SSBP2: variants seen among roughly 807,000 people sequenced by gnomAD.
SSBP2 encodes single stranded DNA binding protein 2.
In SSBP2, 17 loss-of-function variants were observed where a neutral mutation model predicts 61.8. The observed-to-expected ratio is 0.28, with a 90% CI of 0.19 to 0.41. The LOEUF is 0.41. Among genes scored for constraint, SSBP2 ranks in the 10% least tolerant of loss-of-function variants. The probability of loss-of-function intolerance (pLI) is 1.00; values close to 1 mark genes in which losing one functional copy is unlikely to be tolerated. For missense variants in SSBP2, 310 were observed against 458.7 expected (o/e 0.68, Z 2.96); for synonymous variants, 139 against 141.3 (o/e 0.98, Z 0.12).
chr5:81,434,257 G>A (rs1762525758), intron 15 of SSBP2, among the ~76,000 whole-genome samples: 1 of 152,106 alleles, frequency 6.6e-6, no homozygotes, highest in East Asian at 1.9e-4. Flanking sequence ...ATTTAAAATG[G>A]AGTAAATTTT....
intron 2 of SSBP2, among the ~76,000 whole-genome samples, chr5:81,641,478 A>G (rs1376973227): frequency 2.6e-5 from 4 of 152,220 alleles, no homozygotes; most frequent in Admixed American, 2.6e-4. Flanking sequence ...CATCATACTG[A>G]AGTTAACATA....
intron 1 of SSBP2, among the ~76,000 whole-genome samples, chr5:81,720,661 TC>T (rs1158326778): frequency 3.9e-5 from 6 of 152,152 alleles, no homozygotes; most frequent in South Asian, 4.1e-4. Context: ...TCAAGGCACT[TC>T]CCCCCTCTCT....
chr5:81,558,982 G>A (rs1295274094), intron 4 of SSBP2, among the ~76,000 whole-genome samples: 4 of 152,308 alleles, frequency 2.6e-5, no homozygotes, highest in Non-Finnish European at 4.4e-5. Context: ...TAGGCCGGGC[G>A]CAGTGGCTCA....
chr5:81,655,452 A>G (rs1436420680), intron 1 of SSBP2, among the ~76,000 whole-genome samples: 1 of 152,232 alleles, frequency 6.6e-6, no homozygotes, highest in Admixed American at 6.5e-5. Flanking sequence ...AAAGCCTATC[A>G]ATGATTAATG....
chr5:81,558,547 G>T (rs538679573), intron 4 of SSBP2, among the ~76,000 whole-genome samples: 124 of 152,162 alleles, frequency 8.1e-4, no homozygotes, highest in Admixed American at 1.2e-3. Context: ...ATGAATGTTG[G>T]CAAAATGTAA....
intron 4 of SSBP2, among the ~76,000 whole-genome samples, chr5:81,534,068 A>G (rs1202930839): frequency 1.3e-5 from 2 of 152,116 alleles, no homozygotes; most frequent in African/African-American, 4.8e-5. Context: ...TAACTGCCTA[A>G]GATAACAAAA....
At position 81,417,464 on chromosome 5, in the gene SSBP2, T is replaced by C. The variant is rs907299606; in HGVS notation, c.*3040A>G. ...CTACTGCTTACTTTTTCATTTTACA[T>C]GTGTATTTAATATGTTCAATGCAGC... On this transcript the variant is annotated 3_prime_UTR_variant, in exon 17 of 17. Transcript: ENST00000320672. 1.3e-5 allele frequency: 2 copies of C among 152,218 alleles called. No homozygotes were observed. Among genetic ancestry groups the C allele is most frequent in the Non-Finnish European group, 2.9e-5 (2 of 68,044 alleles). The allele number at this position is 152,218 out of a possible 1,614,324, so 9.4% of individuals were successfully genotyped here.
chr5:81,502,981 AAAAC>A (rs1260101115), intron 5 of SSBP2, among the ~76,000 whole-genome samples: 1 of 152,200 alleles, frequency 6.6e-6, no homozygotes, highest in Non-Finnish European at 1.5e-5. Flanking sequence ...ATTACAATGA[AAAAC>A]AAACAACCCC....
chr5:81,501,241 A>ATATATC (rs1471465695), intron 5 of SSBP2, among the ~76,000 whole-genome samples: 1 of 55,680 alleles, frequency 1.8e-5, no homozygotes, highest in Non-Finnish European at 3.3e-5. Context: ...ATATATATAT[A>ATATATC]TATATATATA....
intron 4 of SSBP2, among the ~76,000 whole-genome samples, chr5:81,536,530 A>G (rs916699459): frequency 2.6e-5 from 4 of 152,160 alleles, no homozygotes; most frequent in African/African-American, 4.8e-5. Context: ...TATTCTTACC[A>G]TAAGATTCAG....
At chr5:81,564,511 G>A (rs1001985264) in intron 4 of SSBP2, among the ~76,000 whole-genome samples, 6 of 152,116 alleles carry the variant, frequency 3.9e-5, no homozygotes, top group Non-Finnish European at 7.4e-5. Flanking sequence ...ACTTTCAGAA[G>A]AACTTTCTCC....
intron 1 of SSBP2, among the ~76,000 whole-genome samples, chr5:81,747,472 G>C (rs1055868634): frequency 2.0e-5 from 3 of 152,022 alleles, no homozygotes; most frequent in African/African-American, 7.2e-5. Flanking sequence ...ATAAAACACT[G>C]AACATAGTGA....
At chr5:81,648,742 G>A (rs1405481594) in intron 2 of SSBP2, among the ~76,000 whole-genome samples, 1 of 151,018 alleles carries the variant, frequency 6.6e-6, no homozygotes, top group African/African-American at 2.4e-5. Context: ...ATATTTATGG[G>A]GTACATAAGA....
At chr5:81,642,899 T>C (rs149570070) in intron 2 of SSBP2, among the ~76,000 whole-genome samples, 16 of 152,320 alleles carry the variant, frequency 1.1e-4, no homozygotes, top group African/African-American at 3.6e-4. Context: ...TACATAAATA[T>C]ATACAGGTAT....
At chr5:81,433,160 T>C (rs1235980002) in intron 15 of SSBP2, among the ~76,000 whole-genome samples, 2 of 151,810 alleles carry the variant, frequency 1.3e-5, no homozygotes, top group South Asian at 2.1e-4. Flanking sequence ...TTTTGTGGAA[T>C]AGAAAAGGGG....
intron 1 of SSBP2, among the ~76,000 whole-genome samples, chr5:81,653,305 C>A (rs568446589): frequency 1.3e-5 from 2 of 148,708 alleles, no homozygotes; most frequent in Non-Finnish European, 3.0e-5. Context: ...TCATAGTATT[C>A]CACAGTGTAT....
intron 1 of SSBP2, among the ~76,000 whole-genome samples, chr5:81,715,839 T>C (rs572837722): frequency 6.6e-6 from 1 of 152,224 alleles, no homozygotes; most frequent in African/African-American, 2.4e-5. Context: ...AGAGGATTGC[T>C]TGAGCCCAGG....
At chr5:81,703,999 A>G (rs912152129) in intron 1 of SSBP2, among the ~76,000 whole-genome samples, 4 of 152,246 alleles carry the variant, frequency 2.6e-5, no homozygotes, top group Non-Finnish European at 5.9e-5. Context: ...TCCCTTGGAC[A>G]TGACCACAGA....
At chr5:81,683,481 C>A (rs1752551227) in intron 1 of SSBP2, among the ~76,000 whole-genome samples, 1 of 152,100 alleles carries the variant, frequency 6.6e-6, no homozygotes, top group South Asian at 2.1e-4. Context: ...AAAAAATTAA[C>A]TAAAAATGGA....
Sources: gnomAD v4.1 joint callset for allele counts (sites outside exome capture counted in the v4.1 genomes callset) on GRCh38, gnomAD v4.1.1 for gene constraint, MANE v1.5 for transcripts, NCBI Gene and HGNC (gene_info 2026-07-23, HGNC 2026-07-21) for gene names.